Variants in DYM observed in about 807,000 individuals in gnomAD.
The protein encoded by DYM is dymeclin, also known as dyggve-Melchior-Clausen syndrome protein.
DYM carries 78 observed loss-of-function variants against 93.1 expected under a neutral mutation model. The ratio of observed to expected loss-of-function variants is 0.84; its 90% CI spans 0.70 to 1.01. DYM has a LOEUF of 1.01. Among genes scored for constraint, DYM ranks in the 50% least tolerant of loss-of-function variants. The probability of loss-of-function intolerance (pLI) is 0.00; values close to 1 mark genes in which losing one functional copy is unlikely to be tolerated. For synonymous variants in DYM, 321 were observed against 319.7 expected, an observed-to-expected ratio of 1.00 and a Z score of -0.04; for missense variants, 789 against 845.0, an observed-to-expected ratio of 0.93 and a Z score of 0.82.
chr18:49,339,214 G>A (rs1265007768), intron 6 of DYM, among the ~76,000 whole-genome samples: 2 of 152,236 alleles, frequency 1.3e-5, no homozygotes, highest in Non-Finnish European at 2.9e-5. Flanking sequence ...GAGAACCTAT[G>A]TCCATTCACA....
chr18:49,332,095 ACTAT>A (rs1219884717), intron 7 of DYM, 89 bp from the exon 8 acceptor site: 1 of 1,328,036 alleles, frequency 7.5e-7, no homozygotes, highest in Non-Finnish European at 1.1e-6. Context: ...TGCCATTAAC[ACTAT>A]CTGTTAATAC....
At chr18:49,324,138 C>CAAAAAAAAAAAAAAAA (rs59640889) in intron 8 of DYM, among the ~76,000 whole-genome samples, 3 of 54,442 alleles carry the variant, frequency 5.5e-5, no homozygotes, top group African/African-American at 8.2e-5. Context: ...GGCTCTGTCT[C>CAAAAAAAAAAAAAAAA]AAAAAAAAAA....
At chr18:49,120,230 T>C (rs1203438045) in intron 15 of DYM, among the ~76,000 whole-genome samples, 3 of 151,616 alleles carry the variant, frequency 2.0e-5, no homozygotes. Context: ...AGTAAAATGG[T>C]AGTTACACAT....
chr18:49,405,012 C>CAA lies in DYM; in HGVS notation c.141-13369_141-13368dup, dbSNP rs199975015. 2.6e-3 allele frequency among the ~76,000 whole-genome samples: 261 copies of CAA among 101,932 alleles called. 2 individuals are homozygous for CAA. The highest frequency in any genetic ancestry group is 9.1e-3 in the Middle Eastern group (2 of 220). The allele number at this position is 101,932 out of a possible 152,430, so 66.9% of individuals were successfully genotyped here. The stretch of plus-strand genomic sequence containing the variant: ...TGGGTGACAGAGTGAGACTCCATCT[C>CAA]AAAAAAAAAAAAAAAAAGAAAGAAA... On this transcript the variant is annotated intron_variant, in intron 2 of 17. Transcript: ENST00000675505.
rs573233633 is a variant in DYM at position 49,145,687 on chromosome 18, T to G, written c.1728+17998A>C. On this transcript the variant is annotated intron_variant, in intron 15 of 17. Transcript: ENST00000675505. ...GAGCTTCATATGGAGATGTTTTCAT[T>G]CATTTTTATAGCTGCATGGTATAAT... Among the ~76,000 whole-genome samples, 5 of 152,302 alleles carry G rather than the reference T, an allele frequency of 3.3e-5. No individual in the cohort carries two copies. In the South Asian group the frequency reaches 1.0e-3, roughly 32 times the overall value.
chr18:49,202,526 G>A (rs1255229053), intron 14 of DYM, among the ~76,000 whole-genome samples: 7 of 133,738 alleles, frequency 5.2e-5, no homozygotes, highest in African/African-American at 2.0e-4. Context: ...CCGCCCGGCC[G>A]CCATCCCATC....
chr18:49,388,181 T>G (rs78638268), intron 3 of DYM, among the ~76,000 whole-genome samples: 13,840 of 151,898 alleles, frequency 0.091, 852 homozygotes, highest in East Asian at 0.31. Flanking sequence ...AACTTAAAAA[T>G]TATCCAGGCA....
chr18:49,374,875 C>T (rs868035715), intron 5 of DYM, among the ~76,000 whole-genome samples: 3 of 152,050 alleles, frequency 2.0e-5, no homozygotes, highest in Non-Finnish European at 4.4e-5. Flanking sequence ...AGGAGAATCA[C>T]CTGAACCCAG....
At chr18:49,423,500 C>T (rs2148374168) in intron 2 of DYM, among the ~76,000 whole-genome samples, 1 of 152,218 alleles carries the variant, frequency 6.6e-6, no homozygotes, top group South Asian at 2.1e-4. Flanking sequence ...GAAGCAAGAG[C>T]AAACACTTTC....
At chr18:49,374,727 G>A (rs540327810) in intron 5 of DYM, among the ~76,000 whole-genome samples, 1 of 152,300 alleles carries the variant, frequency 6.6e-6, no homozygotes, top group Admixed American at 6.5e-5. Flanking sequence ...GGGAGGCCGA[G>A]GTGGGCAGAT....
intron 6 of DYM, among the ~76,000 whole-genome samples, chr18:49,334,525 T>C (rs768323376): frequency 7.9e-5 from 12 of 152,166 alleles, no homozygotes; most frequent in Non-Finnish European, 1.3e-4. Flanking sequence ...CACAGAGGAA[T>C]AAAGGCATCC....
intron 3 of DYM, among the ~76,000 whole-genome samples, chr18:49,382,179 AC>A (rs2068102319): frequency 6.6e-6 from 1 of 152,182 alleles, no homozygotes; most frequent in Admixed American, 6.5e-5. Context: ...GGAAAGAGTA[AC>A]CCGACTACTT....
At chr18:49,422,086 A>G (rs1041887110) in intron 2 of DYM, among the ~76,000 whole-genome samples, 1 of 152,228 alleles carries the variant, frequency 6.6e-6, no homozygotes, top group Non-Finnish European at 1.5e-5. Flanking sequence ...ACTCTGCAGG[A>G]TATTATCCAG....
chr18:49,186,136 C>A (rs1220420065), intron 14 of DYM, among the ~76,000 whole-genome samples: 3 of 152,160 alleles, frequency 2.0e-5, no homozygotes, highest in Middle Eastern at 6.3e-3. Context: ...CTTTCACTCT[C>A]TTAAAGTGAC....
chr18:49,080,873 C>T (rs1234375301), intron 17 of DYM, among the ~76,000 whole-genome samples: 20 of 151,228 alleles, frequency 1.3e-4, no homozygotes, highest in Non-Finnish European at 2.5e-4. Context: ...GGGTGGCGGC[C>T]GGGCAGAGGC....
intron 14 of DYM, among the ~76,000 whole-genome samples, chr18:49,202,525 C>T (rs376105947): frequency 0.091 from 11,839 of 129,570 alleles, 659 homozygotes; most frequent in East Asian, 0.27. Flanking sequence ...TCCGCCCGGC[C>T]GCCATCCCAT....
intron 13 of DYM, among the ~76,000 whole-genome samples, chr18:49,220,486 G>A (rs542133000): frequency 4.7e-4 from 71 of 150,526 alleles, no homozygotes; most frequent in South Asian, 2.8e-3. Context: ...GAGGCATCAC[G>A]CTACCTGACT....
At chr18:49,448,661 C>G (rs1178427492) in intron 1 of DYM, among the ~76,000 whole-genome samples, 1 of 152,134 alleles carries the variant, frequency 6.6e-6, no homozygotes, top group Non-Finnish European at 1.5e-5. Flanking sequence ...AGGGGGGATG[C>G]CCCCACTGCT....
rs186305132 is a variant in DYM at position 49,257,148 on chromosome 18, C to T, written c.1366-44G>A. The T allele has an allele frequency of 6.8e-3, 9,968 of 1,468,956 alleles. 53 individuals are homozygous for T. Among genetic ancestry groups the T allele is most frequent in the Non-Finnish European group, 8.7e-3 (9,092 of 1,048,922 alleles). 91.0% of individuals were successfully genotyped at this position (1,468,956 alleles called of 1,614,324 possible). On this transcript the variant is annotated intron_variant, in intron 12 of 17. Coordinates refer to ENST00000675505, the MANE Select transcript of DYM (RefSeq NM_001353214.3). The stretch of plus-strand genomic sequence containing the variant: ...TGTAAAACATACAATCAAGTCTTCT[C>T]TATATTTTAACCAAGGTTAACTATT...
Sources: allele counts gnomAD v4.1 joint callset (sites outside exome capture counted in the v4.1 genomes callset), GRCh38; gene constraint gnomAD v4.1.1; transcripts MANE v1.5; gene names NCBI Gene and HGNC (gene_info 2026-07-23, HGNC 2026-07-21).